Variants in SLX4IP observed in about 807,000 individuals in gnomAD.
The protein encoded by SLX4IP is SLX4 interacting protein, also known as protein SLX4IP.
Under a neutral mutation model 32.9 loss-of-function variants are expected in SLX4IP, and 34 were observed. The observed-to-expected ratio is 1.03, with a 90% CI of 0.79 to 1.38. The LOEUF (loss-of-function observed/expected upper bound fraction) is 1.38. Ranked by LOEUF, SLX4IP falls within the 40% of genes most tolerant of loss-of-function variation. The probability of loss-of-function intolerance (pLI) is 0.00; values close to 1 mark genes in which losing one functional copy is unlikely to be tolerated. For synonymous variants in SLX4IP, 172 were observed against 171.7 expected, an observed-to-expected ratio of 1.00 and a Z score of -0.01; for missense variants, 444 against 479.0, an observed-to-expected ratio of 0.93 and a Z score of 0.68.
At chr20:10,442,181 A>G (rs1383509250) in intron 1 of SLX4IP, among the ~76,000 whole-genome samples, 1 of 152,248 alleles carries the variant, frequency 6.6e-6, no homozygotes, top group Non-Finnish European at 1.5e-5. Flanking sequence ...GACACAGGCC[A>G]GCAACACTAG....
At chr20:10,621,447 T>C (rs1428707703) in intron 7 of SLX4IP, 33 bp downstream of exon 7, 1 of 1,595,852 alleles carries the variant, frequency 6.3e-7, no homozygotes, top group Non-Finnish European at 8.6e-7. Flanking sequence ...TTCTCATTTT[T>C]GCCTGTCTCT....
intron 4 of SLX4IP, among the ~76,000 whole-genome samples, chr20:10,594,986 G>T (rs568755349): frequency 6.6e-6 from 1 of 152,182 alleles, no homozygotes; most frequent in Admixed American, 6.5e-5. Context: ...GTAATCATTT[G>T]AGGCTTCATG....
At chr20:10,541,749 G>A (rs2066109669) in intron 2 of SLX4IP, among the ~76,000 whole-genome samples, 1 of 152,190 alleles carries the variant, frequency 6.6e-6, no homozygotes, top group African/African-American at 2.4e-5. Context: ...GTTAATTCCT[G>A]TTTGTGGACA....
intron 4 of SLX4IP, among the ~76,000 whole-genome samples, chr20:10,566,576 G>A (rs2066397664): frequency 6.6e-6 from 1 of 152,116 alleles, no homozygotes; most frequent in African/African-American, 2.4e-5. Flanking sequence ...TCTGGCCAAG[G>A]TAGCACATGT....
chr20:10,494,451 T>C (rs1600928544), intron 2 of SLX4IP, among the ~76,000 whole-genome samples: 1 of 151,526 alleles, frequency 6.6e-6, no homozygotes, highest in Non-Finnish European at 1.5e-5. Flanking sequence ...TTGAGTCTGT[T>C]ATTAATATTT....
intron 6 of SLX4IP, among the ~76,000 whole-genome samples, chr20:10,608,258 AT>A: frequency 6.6e-6 from 1 of 152,356 alleles, no homozygotes; most frequent in East Asian, 1.9e-4. Context: ...TACACAAGTC[AT>A]CTGGCTTCAC....
chr20:10,560,607 T>C, intron 3 of SLX4IP, 93 bp from the exon 4 acceptor site: 1 of 984,372 alleles, frequency 1.0e-6, no homozygotes, highest in Non-Finnish European at 1.4e-6. Context: ...AAAAGCAAAA[T>C]GAAATGAAAT....
At chr20:10,440,559 A>C (rs1387604598) in intron 1 of SLX4IP, among the ~76,000 whole-genome samples, 1 of 152,132 alleles carries the variant, frequency 6.6e-6, no homozygotes, top group Non-Finnish European at 1.5e-5. Context: ...TAATCAGTGC[A>C]TTGAGTGTTT....
intron 2 of SLX4IP, among the ~76,000 whole-genome samples, chr20:10,473,777 A>G (rs2065448476): frequency 1.3e-5 from 2 of 151,554 alleles, no homozygotes; most frequent in African/African-American, 4.8e-5. Flanking sequence ...TAATTTTTAA[A>G]AAATGTTTAG....
At chr20:10,617,459 T>C (rs1308832866) in intron 6 of SLX4IP, among the ~76,000 whole-genome samples, 5 of 152,078 alleles carry the variant, frequency 3.3e-5, no homozygotes, top group Non-Finnish European at 7.4e-5. Flanking sequence ...GAGCAGGTGT[T>C]TTCTCTGCCG....
At chr20:10,459,829 G>C (rs1040343284) in intron 2 of SLX4IP, among the ~76,000 whole-genome samples, 2 of 152,306 alleles carry the variant, frequency 1.3e-5, no homozygotes, top group South Asian at 2.1e-4. Flanking sequence ...AAGAACTGAT[G>C]ATGAGTGCAA....
intron 2 of SLX4IP, among the ~76,000 whole-genome samples, chr20:10,518,463 CT>C (rs1568720154): frequency 0.017 from 706 of 41,414 alleles, 18 homozygotes; most frequent in South Asian, 0.058. Flanking sequence ...TCCTTCCTTC[CT>C]TTCCTTTCTT....
intron 6 of SLX4IP, among the ~76,000 whole-genome samples, chr20:10,620,818 G>A (rs528521074): frequency 6.6e-6 from 1 of 152,304 alleles, no homozygotes; most frequent in Non-Finnish European, 1.5e-5. Flanking sequence ...GCCTCCCAAA[G>A]TGCTGGGATT....
chr20:10,501,592 C>T (rs757359769), intron 2 of SLX4IP, among the ~76,000 whole-genome samples: 6 of 152,246 alleles, frequency 3.9e-5, no homozygotes, highest in Non-Finnish European at 8.8e-5. Flanking sequence ...TTTACCTCCT[C>T]TCCGCTGTTG....
At chr20:10,610,185 C>A (rs2066949870) in intron 6 of SLX4IP, among the ~76,000 whole-genome samples, 1 of 152,100 alleles carries the variant, frequency 6.6e-6, no homozygotes. Context: ...GAAATGTATA[C>A]TTCCTGCAAA....
intron 6 of SLX4IP, among the ~76,000 whole-genome samples, chr20:10,617,807 C>A (rs2067056218): frequency 6.6e-6 from 1 of 151,936 alleles, no homozygotes; most frequent in African/African-American, 2.4e-5. Flanking sequence ...CACCACCACG[C>A]CTGGCTAATT....
intron 2 of SLX4IP, among the ~76,000 whole-genome samples, chr20:10,533,643 A>G (rs1196595200): frequency 2.7e-5 from 3 of 111,614 alleles, no homozygotes; most frequent in Non-Finnish European, 5.2e-5. Flanking sequence ...TTTTTGAGGC[A>G]GGGTCTGGCT....
At chr20:10,535,841 G>A (rs1290562449) in intron 2 of SLX4IP, among the ~76,000 whole-genome samples, 1 of 152,206 alleles carries the variant, frequency 6.6e-6, no homozygotes, top group Admixed American at 6.5e-5. Flanking sequence ...AGAGATGAAT[G>A]TGTTTAAAAA....
chr20:10,615,534 G>A (rs1016095669), intron 6 of SLX4IP, among the ~76,000 whole-genome samples: 13 of 152,092 alleles, frequency 8.5e-5, no homozygotes, highest in Admixed American at 7.2e-4. Flanking sequence ...TGTGTCTGCA[G>A]CTCAGACCTC....
Sources: allele counts gnomAD v4.1 joint callset (sites outside exome capture counted in the v4.1 genomes callset), GRCh38; gene constraint gnomAD v4.1.1; transcripts MANE v1.5; gene names NCBI Gene and HGNC (gene_info 2026-07-23, HGNC 2026-07-21).